The following MBTPS2 variants were observed in gnomAD, a reference collection of about 807,000 sequenced individuals.
The protein encoded by MBTPS2 is membrane-bound transcription factor site-2 protease.
Under a neutral mutation model 35.4 loss-of-function variants are expected in MBTPS2, and 2 were observed. The observed-to-expected ratio is 0.06, with a 90% CI of 0.02 to 0.18. The LOEUF is 0.18. Among genes scored for constraint, MBTPS2 ranks in the 10% least tolerant of loss-of-function variants. MBTPS2 has a pLI of 1.00. For synonymous variants in MBTPS2, 125 were observed against 140.4 expected, an observed-to-expected ratio of 0.89 and a Z score of 0.77; for missense variants, 244 against 386.5, an observed-to-expected ratio of 0.63 and a Z score of 3.09.
At chrX:21,865,211 T>A (rs1395186224) in intron 5 of MBTPS2, among the ~76,000 whole-genome samples, 8 of 107,662 alleles carry the variant, frequency 7.4e-5, no homozygotes, top group East Asian at 5.8e-4. Flanking sequence ...AAAAAAAAAA[T>A]GAAATATATA....
intron 9 of MBTPS2, 43 bp downstream of exon 9, chrX:21,878,735 A>G: frequency 1.1e-6 from 1 of 896,417 alleles, no homozygotes; most frequent in South Asian, 2.0e-5. Context: ...CATTAAGATC[A>G]CATATAGTCT....
At chrX:21,854,705 C>T (rs930190631) in intron 5 of MBTPS2, among the ~76,000 whole-genome samples, 2 of 111,825 alleles carry the variant, frequency 1.8e-5, no homozygotes, top group African/African-American at 3.2e-5. Context: ...AAAAGACTCA[C>T]GCTTTAATAC....
rs1413539065 is a variant in MBTPS2 at position 21,878,117 on chromosome X, A to G, written c.1046A>G (p.Asn349Ser). ...SLTDVCFSYRNNFNKRLHTCL... is the reference protein window; with the variant it reads ...SLTDVCFSYRSNFNKRLHTCL... The stretch of plus-strand genomic sequence containing the variant: ...ACAGATGTGTGCTTTTCCTACAGAA[A>G]TAATTTTAATAAGCGTTTGGTAAGT... Residue 349 changes from asparagine to serine, a missense_variant, in exon 8 of 11, where the codon AAT (asparagine) becomes AGT (serine). Asn to Ser is a conservative substitution (Grantham distance 46). Transcript: ENST00000379484. The G allele has an allele frequency of 8.3e-7, 1 of 1,199,950 alleles. No homozygotes were observed. Among genetic ancestry groups the G allele is most frequent in the South Asian group, 1.8e-5 (1 of 56,737 alleles).
chrX:21,863,902 T>G (rs917091445), intron 5 of MBTPS2, among the ~76,000 whole-genome samples: 6 of 111,600 alleles, frequency 5.4e-5, no homozygotes, highest in Non-Finnish European at 9.4e-5. Context: ...TATCTTGCCC[T>G]GAATTCAAGA....
At chrX:21,846,769 G>A (rs1410851218) in intron 3 of MBTPS2, among the ~76,000 whole-genome samples, 10 of 111,730 alleles carry the variant, frequency 9.0e-5, no homozygotes, top group Non-Finnish European at 1.9e-5. Flanking sequence ...AGGATAGGTG[G>A]GACTGGAGGC....
In MBTPS2 at chrX:21,862,923, T is replaced by TATATAAATATATATAA. The variant is rs1569325745; in HGVS notation, c.671-5539_671-5538insAATATATATAAATATA. Reference sequence around the variant, plus strand: ...AAACATATATAAATATATAAACATATATATATAAACATATATATATATATA... The same window carrying TATATAAATATATATAA: ...AAACATATATAAATATATAAACATATATATAAATATATATAAATATATAAACATATATATATATATA... On this transcript the variant is annotated intron_variant, in intron 5 of 10. Coordinates refer to ENST00000379484, the MANE Select transcript of MBTPS2 (RefSeq NM_015884.4). 3.3e-3 allele frequency among the ~76,000 whole-genome samples: 183 copies of TATATAAATATATATAA among 55,192 alleles called. 3 individuals carry two copies. Among genetic ancestry groups the TATATAAATATATATAA allele is most frequent in the African/African-American group, 0.012 (176 of 15,074 alleles). 47.9% of individuals were successfully genotyped at this position (55,192 alleles called of 115,157 possible). A position where few individuals can be genotyped will look rare whatever the true frequency, so the allele number is the denominator to read the frequency against.
At chrX:21,845,149 T>G in intron 2 of MBTPS2, 22 bp from the exon 3 acceptor site, 1 of 1,210,190 alleles carries the variant, frequency 8.3e-7, no homozygotes, top group Non-Finnish European at 1.1e-6. Flanking sequence ...TAAATTAACA[T>G]GATTTTTTTC....
At chrX:21,863,943 C>T (rs745325672) in intron 5 of MBTPS2, among the ~76,000 whole-genome samples, 1 of 111,831 alleles carries the variant, frequency 8.9e-6, no homozygotes, top group Non-Finnish European at 1.9e-5. Context: ...GGAATTGTCT[C>T]TAAAAAGAAG....
intron 5 of MBTPS2, chrX:21,856,242 A>C (rs939851802): frequency 2.5e-6 from 1 of 392,520 alleles, no homozygotes; most frequent in Non-Finnish European, 4.4e-6. Flanking sequence ...GCTATCCCAG[A>C]AGCACCTGCG....
rs142303954 is a variant in MBTPS2, at chrX:21,857,216, A to C, written c.670+3713A>C. 8.3e-7 allele frequency: 1 copy of C among 1,210,223 alleles called. No individual in the cohort carries two copies. Among genetic ancestry groups the C allele is most frequent in the East Asian group, 3.0e-5 (1 of 33,781 alleles). ...CAGAATTTACTAAAGTGAAGCCCAA[A>C]AGGTCCAAAGGAGAACCTCCCAAAA... On this transcript the variant is annotated intron_variant, in intron 5 of 10. Transcript: ENST00000379484.
chrX:21,884,635 G>A lies in MBTPS2; in HGVS notation c.*1980G>A. ...ATTTGTATAAAACCGGCCTCATTAT[G>A]TAAGAAAGAAAATGTTACGTGTTTT... On this transcript the variant is annotated 3_prime_UTR_variant, in exon 11 of 11. Coordinates refer to ENST00000379484, the MANE Select transcript of MBTPS2 (RefSeq NM_015884.4). The A allele has an allele frequency of 2.7e-6, 2 of 753,409 alleles. No individual in the cohort carries two copies. Among genetic ancestry groups the A allele is most frequent in the South Asian group, 6.8e-5 (1 of 14,813 alleles). 62.1% of individuals were successfully genotyped at this position (753,409 alleles called of 1,213,427 possible). A position where few individuals can be genotyped will look rare whatever the true frequency, so the allele number is the denominator to read the frequency against.
At position 21,878,590 on chromosome X, in the gene MBTPS2, A is replaced by G. The variant is rs202163046; in HGVS notation, c.1159A>G (p.Ile387Val). Reference sequence around the variant, plus strand: ...AAAAAGCTCAAGTTCAAGTTTCTGTATAATACCTTCTTTGGAAACTCACAC... The same window carrying G: ...AAAAAGCTCAAGTTCAAGTTTCTGTGTAATACCTTCTTTGGAAACTCACAC... Reference protein sequence around the residue: ...CKKSSSSSFCIIPSLETHTRL... With the variant: ...CKKSSSSSFCVIPSLETHTRL... Residue 387 changes from isoleucine (I) to valine (V), a missense_variant, in exon 9 of 11, where the codon ATA becomes GTA. Coordinates refer to ENST00000379484, the MANE Select transcript of MBTPS2 (RefSeq NM_015884.4). 5.8e-6 allele frequency: 7 copies of G among 1,201,381 alleles called. No individual in the cohort carries two copies. The Admixed American group carries it at 1.3e-4, about 23-fold the overall frequency.
intron 5 of MBTPS2, among the ~76,000 whole-genome samples, chrX:21,862,850 AT>A (rs1175022751): frequency 3.2e-5 from 3 of 93,278 alleles, no homozygotes; most frequent in Admixed American, 1.3e-4. Context: ...ACATATATAT[AT>A]ATACACATAT....
chrX:21,862,939 T>TATATAAAC (rs1417394387), intron 5 of MBTPS2, among the ~76,000 whole-genome samples: 14 of 32,622 alleles, frequency 4.3e-4, no homozygotes, highest in African/African-American at 2.3e-3. Flanking sequence ...TAAACATATA[T>TATATAAAC]ATATATATAT....
At position 21,869,564 on chromosome X, in the gene MBTPS2, C is replaced by A; in HGVS notation, c.856C>A (p.Pro286Thr). The A allele has an allele frequency of 8.3e-7, 1 of 1,209,729 alleles. No individual in the cohort carries two copies. The highest frequency in any genetic ancestry group is 1.8e-5 in the South Asian group (1 of 56,955). ...GDLVTHLQDC[P>T]VTNVQDWNEC... Reference sequence around the variant, plus strand: ...CCTTGTCACCCATCTACAGGATTGTCCTGTTACTAATGTGCAAGATTGGAA... The same window carrying A: ...CCTTGTCACCCATCTACAGGATTGTACTGTTACTAATGTGCAAGATTGGAA... Residue 286 changes from proline (P) to threonine (T), a missense_variant, in exon 7 of 11, where the codon CCT (proline) becomes ACT (threonine). Transcript: ENST00000379484.
chrX:21,850,885 T>G (rs968640185), intron 3 of MBTPS2, among the ~76,000 whole-genome samples: 2 of 111,580 alleles, frequency 1.8e-5, no homozygotes, highest in African/African-American at 6.5e-5. Flanking sequence ...TTCCACACTA[T>G]TTTTCTGACC....
At chrX:21,864,171 C>T (rs1224381297) in intron 5 of MBTPS2, among the ~76,000 whole-genome samples, 1 of 112,623 alleles carries the variant, frequency 8.9e-6, no homozygotes, top group African/African-American at 3.2e-5. Context: ...AATGTCTTCC[C>T]ACTTCCATGT....
In MBTPS2 at chrX:21,878,958, A is replaced by C. The variant is rs934441803; in HGVS notation, c.1261+266A>C. ...TCCCTACCATTTATGCCCAGGTCAA[A>C]TAGGTGATCTCTCAGATGTCCTCTG... On this transcript the variant is annotated intron_variant, in intron 9 of 10. Transcript: ENST00000379484. 2.7e-5 allele frequency among the ~76,000 whole-genome samples: 3 copies of C among 111,306 alleles called. No individual in the cohort carries two copies. In the South Asian group the frequency reaches 1.1e-3, roughly 43 times the overall value.
chrX:21,862,725 G>A (rs1258613511), intron 5 of MBTPS2, among the ~76,000 whole-genome samples: 1 of 103,587 alleles, frequency 9.7e-6, no homozygotes, highest in East Asian at 3.1e-4. Flanking sequence ...GCGGGAGAAT[G>A]GCGTGAACCC....
Sources: allele counts gnomAD v4.1 joint callset (sites outside exome capture counted in the v4.1 genomes callset), GRCh38; gene constraint gnomAD v4.1.1; transcripts MANE v1.5; gene names NCBI Gene and HGNC (gene_info 2026-07-23, HGNC 2026-07-21).